Variants in COL4A4 observed in about 807,000 individuals in gnomAD.
The protein encoded by COL4A4 is collagen type IV alpha 4 chain.
COL4A4 carries 105 observed loss-of-function variants against 192.9 expected under a neutral mutation model. The ratio of observed to expected loss-of-function variants is 0.54; its 90% confidence interval spans 0.46 to 0.64. COL4A4 has a LOEUF of 0.64. Ranked by LOEUF, COL4A4 falls within the 30% of genes least tolerant of loss-of-function variation. The pLI is 0.00. For missense variants in COL4A4, 1,967 were observed against 2,169.3 expected, an observed-to-expected ratio of 0.91 and a Z score of 1.85; for synonymous variants, 762 against 769.9, an observed-to-expected ratio of 0.99 and a Z score of 0.17.
In COL4A4 at chr2:227,119,948, C is replaced by A; in HGVS notation, c.328-9G>T. 1.3e-6 allele frequency: 2 copies of A among 1,565,582 alleles called. No homozygotes were observed. The highest frequency in any genetic ancestry group is 1.7e-6 in the Non-Finnish European group (2 of 1,153,426). On this transcript the variant is annotated splice_polypyrimidine_tract_variant and intron_variant, in intron 5 of 47. Transcript: ENST00000396625. ...GGAACACCAGTTGGACCCTAAAATCCCAGAAAATAAAACAAAGAGATAAAA... is the reference window on the plus strand; with the variant it reads ...GGAACACCAGTTGGACCCTAAAATCACAGAAAATAAAACAAAGAGATAAAA...
At chr2:227,079,933 C>G (rs139567083) in intron 24 of COL4A4, among the ~76,000 whole-genome samples, 3 of 152,148 alleles carry the variant, frequency 2.0e-5, no homozygotes, top group African/African-American at 7.2e-5. Context: ...ATCCACCCAA[C>G]GCATGTCTGA....
intron 43 of COL4A4, among the ~76,000 whole-genome samples, chr2:227,022,711 C>T (rs578114279): frequency 6.6e-6 from 1 of 152,294 alleles, no homozygotes; most frequent in South Asian, 2.1e-4. Flanking sequence ...GAACATTGGA[C>T]TTATCCAGGG....
chr2:227,046,098 T>TAC (rs1559490754), intron 35 of COL4A4, among the ~76,000 whole-genome samples: 2 of 80,844 alleles, frequency 2.5e-5, no homozygotes, highest in East Asian at 6.8e-4. Flanking sequence ...TATGTACATA[T>TAC]ATATATATCT....
downstream of COL4A4, among the ~76,000 whole-genome samples, chr2:227,001,290 T>G (rs12105019): frequency 0.035 from 5,269 of 152,092 alleles, 292 homozygotes; most frequent in African/African-American, 0.12. Flanking sequence ...GAGATGGGGT[T>G]TCACATGTTA....
At chr2:226,979,545 T>C in the COL4A4 span, among the ~76,000 whole-genome samples, 1 of 152,092 alleles carries the variant, frequency 6.6e-6, no homozygotes, top group African/African-American at 2.4e-5. Context: ...TTTACTTGGC[T>C]GGCTCATCAT....
chr2:227,074,957 A>G lies in COL4A4; in HGVS notation c.1987+2937T>C, dbSNP rs1395192524. Among the ~76,000 whole-genome samples, 4 of 152,070 alleles carry G rather than the reference A, an allele frequency of 2.6e-5. No homozygotes were observed. The South Asian group carries it at 8.3e-4, about 32-fold the overall frequency. ...GAATTCAAATCTGGTTTATTTGGTT[A>G]TTCAAATAGACCAATAACAAGTTCT... On this transcript the variant is annotated intron_variant, in intron 25 of 47. Transcript: ENST00000396625.
At chr2:227,137,529 A>G (rs560626462) in intron 4 of COL4A4, among the ~76,000 whole-genome samples, 1 of 152,340 alleles carries the variant, frequency 6.6e-6, no homozygotes, top group Non-Finnish European at 1.5e-5. Flanking sequence ...CAGAGGTGAG[A>G]TTAGAACAGG....
rs1223944771 is a variant in COL4A4, at chr2:227,003,994, T to C, written c.*3331A>G. The C allele has an allele frequency of 6.6e-6, 1 of 152,258 alleles. No individual in the cohort carries two copies. Among genetic ancestry groups the C allele is most frequent in the African/African-American group, 2.4e-5 (1 of 41,468 alleles). 9.4% of individuals were successfully genotyped at this position (152,258 alleles called of 1,614,324 possible). A position where few individuals can be genotyped will look rare whatever the true frequency, so the allele number is the denominator to read the frequency against. On this transcript the variant is annotated 3_prime_UTR_variant, in exon 48 of 48. Transcript: ENST00000396625. ...TGGTTTATACTTGTAACCGTCTTGC[T>C]GATGAAGACCTTATATGCAGAGCTG...
chr2:226,984,617 G>A, the COL4A4 span, among the ~76,000 whole-genome samples: 5 of 152,292 alleles, frequency 3.3e-5, no homozygotes, highest in East Asian at 9.6e-4. Context: ...GAGCCTAGGC[G>A]GACCAGGCAG....
chr2:226,989,949 G>A, the COL4A4 span, among the ~76,000 whole-genome samples: 2 of 152,182 alleles, frequency 1.3e-5, no homozygotes, highest in Non-Finnish European at 2.9e-5. Flanking sequence ...AATCTCCACT[G>A]TTGCAGTCTT....
rs771943519 is a variant in COL4A4, at chr2:227,144,543, AATGAGT to A, written c.81_86del (p.Ile29_Leu30del). 88 of 1,609,820 alleles carry A rather than the reference AATGAGT, an allele frequency of 5.5e-5. No homozygotes were observed. Among genetic ancestry groups the A allele is most frequent in the Middle Eastern group, 1.7e-4 (1 of 6,054 alleles). ...CATATACATATTGTACAGAAAAGAG[AATGAGT>A]ATAAGTGACCTACAGAAAAACAAAA... On this transcript the variant is annotated inframe_deletion, in exon 3 of 48. Transcript: ENST00000396625.
chr2:227,089,451 T>C (rs759323679), intron 21 of COL4A4, among the ~76,000 whole-genome samples: 4 of 151,662 alleles, frequency 2.6e-5, no homozygotes, highest in Non-Finnish European at 5.9e-5. Flanking sequence ...AGACAGGCAA[T>C]TGATGAGTCT....
downstream of COL4A4, chr2:226,998,688 C>G (rs1960144303): frequency 6.6e-6 from 1 of 152,140 alleles, no homozygotes; most frequent in African/African-American, 2.4e-5. Context: ...ACAATACCTC[C>G]TCACTCAATT....
chr2:227,089,800 C>A, intron 21 of COL4A4, 68 bp downstream of exon 21: 1 of 1,297,060 alleles, frequency 7.7e-7, no homozygotes, highest in South Asian at 1.2e-5. Flanking sequence ...CATTACACAT[C>A]TCAGAAATGC....
chr2:227,082,330 C>A, intron 22 of COL4A4, 143 bp from the exon 23 acceptor site: 1 of 782,632 alleles, frequency 1.3e-6, no homozygotes, highest in East Asian at 2.5e-5. Flanking sequence ...TTCCACTTCC[C>A]TGCCTTCCAA....
intron 23 of COL4A4, among the ~76,000 whole-genome samples, chr2:227,081,453 G>A (rs1245466929): frequency 6.6e-6 from 1 of 152,092 alleles, no homozygotes; most frequent in Non-Finnish European, 1.5e-5. Context: ...CAGGGCTCTT[G>A]TGCCTTCAGC....
chr2:227,090,606 G>T (rs895271737), intron 20 of COL4A4, among the ~76,000 whole-genome samples: 2 of 151,650 alleles, frequency 1.3e-5, no homozygotes, highest in South Asian at 4.2e-4. Context: ...ACAAAAATTA[G>T]CCAGCCACGG....
the COL4A4 span, among the ~76,000 whole-genome samples, chr2:226,994,078 AG>A: frequency 5.3e-5 from 8 of 152,082 alleles, no homozygotes; most frequent in Non-Finnish European, 1.0e-4. Flanking sequence ...TGCTTTTGAG[AG>A]CTGGACTGCG....
chr2:226,998,133 T>A (rs1162644949), downstream of COL4A4: 2 of 152,238 alleles, frequency 1.3e-5, no homozygotes, highest in East Asian at 3.8e-4. Flanking sequence ...TTAAGCGACC[T>A]TTTAATGCAG....
Sources: allele counts gnomAD v4.1 joint callset (sites outside exome capture counted in the v4.1 genomes callset), GRCh38; gene constraint gnomAD v4.1.1; transcripts MANE v1.5; gene names NCBI Gene and HGNC (gene_info 2026-07-23, HGNC 2026-07-21).